The following SMARCAL1 variants were observed in gnomAD, a reference collection of about 807,000 sequenced individuals.
The protein encoded by SMARCAL1 is SNF2 related chromatin remodeling annealing helicase 1.
In SMARCAL1, 58 loss-of-function variants were observed where a neutral mutation model predicts 94.5. The observed-to-expected ratio is 0.61, with a 90% CI of 0.50 to 0.76. The LOEUF (loss-of-function observed/expected upper bound fraction) is 0.76, where lower values mean the gene tolerates loss of function less well. Among genes scored for constraint, SMARCAL1 ranks in the 30% least tolerant of loss-of-function variants. The pLI is 0.00. For synonymous variants in SMARCAL1, 422 were observed against 455.1 expected (o/e 0.93, Z 0.93); for missense variants, 1,051 against 1,177.9 (o/e 0.89, Z 1.58).
chr2:216,451,359 T>G (rs1266527694), intron 12 of SMARCAL1: 4 of 421,096 alleles, frequency 9.5e-6, no homozygotes, highest in Non-Finnish European at 1.8e-5. Context: ...CCTCAAAGAA[T>G]GTGGAAATTA....
intron 10 of SMARCAL1, among the ~76,000 whole-genome samples, chr2:216,440,834 C>G (rs1160229805): frequency 1.3e-5 from 2 of 152,104 alleles, no homozygotes; most frequent in Non-Finnish European, 2.9e-5. Context: ...CATCCGTGGC[C>G]TCTACCCACT....
At chr2:216,431,070 C>T (rs546863486) in intron 7 of SMARCAL1, among the ~76,000 whole-genome samples, 2 of 152,372 alleles carry the variant, frequency 1.3e-5, no homozygotes, top group Admixed American at 6.5e-5. Context: ...TGCCCCCTCT[C>T]CTAGGCAGGC....
chr2:216,440,202 T>C (rs1409678453), intron 10 of SMARCAL1, among the ~76,000 whole-genome samples: 1 of 152,196 alleles, frequency 6.6e-6, no homozygotes. Context: ...AGGAAAACAA[T>C]AGGGTTAGGT....
At chr2:216,477,030 TG>T in intron 15 of SMARCAL1, 78 bp from the exon 16 acceptor site, 1 of 1,134,012 alleles carries the variant, frequency 8.8e-7, no homozygotes, top group Non-Finnish European at 1.3e-6. Flanking sequence ...GGAAATGGGG[TG>T]GAGAGGAACC....
intron 1 of SMARCAL1, among the ~76,000 whole-genome samples, chr2:216,413,502 G>A (rs779872334): frequency 1.4e-4 from 21 of 152,124 alleles, no homozygotes; most frequent in Non-Finnish European, 2.2e-4. Context: ...GTGCCATTTT[G>A]TTATGGATGA....
chr2:216,438,497 T>A lies in SMARCAL1; in HGVS notation c.1710+12T>A, dbSNP rs751806334. ...TGCCGGTCCTAAAGGTGAGTACTTC[T>A]GAGAACTGAGCCCACTGAGCATTGG... On this transcript the variant is annotated intron_variant, in intron 10 of 17. Coordinates refer to ENST00000357276, the MANE Select transcript of SMARCAL1 (RefSeq NM_014140.4). The A allele has an allele frequency of 1.6e-5, 26 of 1,612,068 alleles. No homozygotes were observed. The highest frequency in any genetic ancestry group is 2.1e-5 in the Non-Finnish European group (25 of 1,178,526).
chr2:216,421,712 G>A (rs1467707595), intron 5 of SMARCAL1, among the ~76,000 whole-genome samples: 1 of 152,116 alleles, frequency 6.6e-6, no homozygotes, highest in Non-Finnish European at 1.5e-5. Context: ...TTTTAAAAAC[G>A]ATGTAGTTTT....
intron 7 of SMARCAL1, among the ~76,000 whole-genome samples, chr2:216,431,519 T>C (rs1693963203): frequency 6.6e-6 from 1 of 152,250 alleles, no homozygotes; most frequent in Non-Finnish European, 1.5e-5. Context: ...TGTGGAATAG[T>C]AGTTATGATA....
chr2:216,476,261 C>T (rs572530061), intron 15 of SMARCAL1, among the ~76,000 whole-genome samples: 1 of 151,822 alleles, frequency 6.6e-6, no homozygotes, highest in South Asian at 2.1e-4. Flanking sequence ...AATGGGTAGA[C>T]CTTGAGGGTG....
rs751429705 is a variant in SMARCAL1 at position 216,420,454 on chromosome 2, AG to A, written c.1021del (p.Ala341ProfsTer42). ...CAAAGGGCGATGCATGCTCATCTCC[AG>A]GGCCTACTTCGAGGCAGACATCAGT... The part of the protein sequence containing the change: ...FVKGRCMLIS[R>X]AYFEADISYS... On this transcript the variant is annotated frameshift_variant, in exon 5 of 18. Transcript: ENST00000357276. LOFTEE classifies it high-confidence loss of function. The A allele has an allele frequency of 3.1e-6, 5 of 1,614,210 alleles. No homozygotes were observed. The South Asian group carries it at 4.4e-5, about 14-fold the overall frequency.
chr2:216,424,524 A>G lies in SMARCAL1; in HGVS notation c.1147+841A>G, dbSNP rs1225279705. The stretch of plus-strand genomic sequence containing the variant: ...ATCAGGCCAGGACAGACACGAGCCA[A>G]CCCTGGGAGCTCTGAGTCATTGGCC... On this transcript the variant is annotated intron_variant, in intron 6 of 17. Transcript: ENST00000357276. Among the ~76,000 whole-genome samples the G allele has an allele frequency of 2.6e-5, 4 of 152,186 alleles. No homozygotes were observed. The East Asian group carries it at 5.8e-4, about 22-fold the overall frequency.
intron 1 of SMARCAL1, among the ~76,000 whole-genome samples, 158 bp from the exon 2 acceptor site, chr2:216,413,698 C>T (rs749104231): frequency 6.6e-6 from 1 of 151,672 alleles, no homozygotes; most frequent in Non-Finnish European, 1.5e-5. Context: ...TCAGTTGCTC[C>T]GTGTGTTGTG....
intron 9 of SMARCAL1, among the ~76,000 whole-genome samples, chr2:216,437,805 G>A (rs1413146052): frequency 1.3e-5 from 2 of 150,408 alleles, no homozygotes; most frequent in African/African-American, 5.0e-5. Context: ...ATATATGTAT[G>A]TATTTGCTTA....
intron 4 of SMARCAL1, among the ~76,000 whole-genome samples, chr2:216,419,907 G>A (rs1212619431): frequency 4.0e-5 from 6 of 151,500 alleles, no homozygotes; most frequent in African/African-American, 9.7e-5. Context: ...GTGCACGCCT[G>A]TAGTCCCAGC....
chr2:216,432,844 C>G lies in SMARCAL1; in HGVS notation c.1461C>G (p.Ser487=), dbSNP rs2106033740. ...GGCCGCTCCTGGTGGTGGTGCCATC[C>G]TCCGTGCGCTTCACCTGGGAGCAGG... is the stretch of plus-strand genomic sequence containing the variant. The part of the protein sequence containing the change: ...KEWPLLVVVP[S]SVRFTWEQAF... The change falls in exon 8 of 18, where the codon TCC becomes TCG. Residue 487 remains serine, a synonymous_variant. Coordinates refer to ENST00000357276, the MANE Select transcript of SMARCAL1 (RefSeq NM_014140.4). 1 of 1,614,232 alleles carries G rather than the reference C, an allele frequency of 6.2e-7. No homozygotes were observed.
rs1693577644 is a variant in SMARCAL1 at position 216,415,504 on chromosome 2, G to A, written c.800G>A (p.Ser267Asn). 5 of 1,611,358 alleles carry A rather than the reference G, an allele frequency of 3.1e-6. No homozygotes were observed. The East Asian group carries it at 8.9e-5, about 29-fold the overall frequency. ...ATTGCAGTGTTTAAGACCCTGCCCA[G>A]CAAGAATTATGGTAATGTCTTCATT... ...ELIAVFKTLP[S>N]KNYDPDTKTW... The change falls in exon 3 of 18, where the codon AGC (serine) becomes AAC (asparagine). Residue 267 changes from serine (S) to asparagine (N), a missense_variant. Around this residue, in one of 3 missense-constraint regions of SMARCAL1, gnomAD observed 398 missense variants for 395.2 expected, o/e 1.01. Transcript: ENST00000357276.
chr2:216,444,402 A>AG (rs1491187516), intron 10 of SMARCAL1, among the ~76,000 whole-genome samples: 1 of 152,182 alleles, frequency 6.6e-6, no homozygotes, highest in Non-Finnish European at 1.5e-5. Flanking sequence ...GAAAAAAAAA[A>AG]GAGATCACAT....
At chr2:216,429,329 G>A (rs919691858) in intron 7 of SMARCAL1, among the ~76,000 whole-genome samples, 3 of 152,208 alleles carry the variant, frequency 2.0e-5, no homozygotes, top group Non-Finnish European at 4.4e-5. Flanking sequence ...TAGACTTGGT[G>A]ATAGGCCTGT....
intron 10 of SMARCAL1, 27 bp downstream of exon 10, chr2:216,438,512 C>G (rs1322479188): frequency 1.2e-6 from 2 of 1,600,262 alleles, no homozygotes; most frequent in Non-Finnish European, 1.7e-6. Context: ...ACTGAGCCCA[C>G]TGAGCATTGG....
Sources: allele counts gnomAD v4.1 joint callset (sites outside exome capture counted in the v4.1 genomes callset), GRCh38; gene constraint gnomAD v4.1.1; regional missense constraint gnomAD v4.1.1; transcripts MANE v1.5; gene names NCBI Gene and HGNC (gene_info 2026-07-23, HGNC 2026-07-21).